MYBPH: variants seen among roughly 807,000 people sequenced by gnomAD.
The protein encoded by MYBPH is myosin binding protein H, also known as myosin-binding protein H.
In MYBPH, 49 loss-of-function variants were observed where a neutral mutation model predicts 53.6. The observed-to-expected ratio is 0.91, with a 90% CI of 0.73 to 1.16. MYBPH has a LOEUF of 1.16. MYBPH is among the 50% of genes most tolerant of loss of function. The pLI is 0.00. For synonymous variants in MYBPH, 239 were observed against 249.6 expected (o/e 0.96, Z 0.40); for missense variants, 558 against 624.1 (o/e 0.89, Z 1.13).
In MYBPH at chr1:203,171,528, G is replaced by T; in HGVS notation, c.648C>A (p.Asp216Glu). ...ATWTHNGHAL[D>E]SQRVSMRTGD... The stretch of plus-strand genomic sequence containing the variant: ...CGGTGCGCATGCTCACCCGCTGGCT[G>T]TCCAGGGCATGGCCGTTGTGGGTCC... Residue 216 changes from aspartate (D) to glutamate (E), a missense_variant, in exon 5 of 11, where the codon GAC (aspartate) becomes GAA (glutamate). Physicochemically the swap from Asp to Glu is conservative, Grantham distance 45. Transcript: ENST00000255416. This position sits in a 1 kb window ranked among gnomAD's most constrained non-coding sequence, Gnocchi z 4.2. 6.2e-7 allele frequency: 1 copy of T among 1,613,744 alleles called. No individual in the cohort carries two copies. The highest frequency in any genetic ancestry group is 1.1e-5 in the South Asian group (1 of 91,058).
upstream of MYBPH, among the ~76,000 whole-genome samples, chr1:203,178,709 T>C (rs1171556065): frequency 6.6e-6 from 1 of 152,230 alleles, no homozygotes; most frequent in Non-Finnish European, 1.5e-5. Flanking sequence ...CTTTAATATT[T>C]GGAAGGCCAT....
chr1:203,174,248 C>T, intron 3 of MYBPH, 182 bp downstream of exon 3: 2 of 930,840 alleles, frequency 2.1e-6, no homozygotes, highest in Non-Finnish European at 2.6e-6. Context: ...CTCCAGAGGC[C>T]CCTTACTGCT....
intron 9 of MYBPH, 104 bp from the exon 10 acceptor site, chr1:203,168,779 G>A (rs568173443): frequency 6.3e-7 from 1 of 1,592,074 alleles, no homozygotes; most frequent in East Asian, 2.2e-5. Context: ...CGCTTGGAAA[G>A]TAATCAGCAC....
rs374066904 is a variant in MYBPH, at chr1:203,174,408, T to G, written c.508+22A>C. The G allele has an allele frequency of 4.4e-5, 69 of 1,558,882 alleles. No homozygotes were observed. In the Middle Eastern group the frequency reaches 5.1e-4, roughly 12 times the overall value. ...AGGTGTTTGGGAAGGGCTGGGTAGC[T>G]GAAGGCCAGGATGGGCTTTACCAAT... is the stretch of plus-strand genomic sequence containing the variant. On this transcript the variant is annotated intron_variant, in intron 3 of 10. Transcript: ENST00000255416.
chr1:203,171,026 G>A lies in MYBPH; in HGVS notation c.933+35C>T, dbSNP rs374522629. 1.6e-5 allele frequency: 25 copies of A among 1,550,736 alleles called. No individual in the cohort carries two copies. Among genetic ancestry groups the A allele is most frequent in the African/African-American group, 9.6e-5 (7 of 72,924 alleles). On this transcript the variant is annotated intron_variant, in intron 6 of 10. Coordinates refer to ENST00000255416, the MANE Select transcript of MYBPH (RefSeq NM_004997.3). This position sits in a 1 kb window ranked among gnomAD's most constrained non-coding sequence, Gnocchi z 4.2. ...CCTTCCCCACCACCTTGACCACTTC[G>A]TACCCCGACCCCACTTTGCCTCAGC...
At chr1:203,170,172 C>A in intron 7 of MYBPH, 119 bp downstream of exon 7, 1 of 1,266,536 alleles carries the variant, frequency 7.9e-7, no homozygotes, top group Admixed American at 2.3e-5. Context: ...AGTGAGGAGA[C>A]GGCAAGTGTT....
At chr1:203,176,685 T>C (rs1019197094), upstream of MYBPH, among the ~76,000 whole-genome samples, 1 of 152,112 alleles carries the variant, frequency 6.6e-6, no homozygotes, top group Non-Finnish European at 1.5e-5. Flanking sequence ...GATTCATTTG[T>C]TCGATAAAAT....
chr1:203,169,437 G>A (rs2102187742), intron 7 of MYBPH, 48 bp from the exon 8 acceptor site: 1 of 1,549,772 alleles, frequency 6.5e-7, no homozygotes, highest in African/African-American at 1.4e-5. Context: ...ACAGGAGTGA[G>A]GGAGACCTGT....
chr1:203,176,565 C>T (rs1339049484), upstream of MYBPH, among the ~76,000 whole-genome samples: 2 of 152,112 alleles, frequency 1.3e-5, no homozygotes, highest in African/African-American at 4.8e-5. Context: ...CTGGAAGATG[C>T]CCTAGTGGAG....
intron 7 of MYBPH, 39 bp downstream of exon 7, chr1:203,170,252 G>A: frequency 6.2e-7 from 1 of 1,611,072 alleles, no homozygotes; most frequent in South Asian, 1.1e-5. Context: ...GCAGAGACAG[G>A]GAGAGAGTTA....
upstream of MYBPH, among the ~76,000 whole-genome samples, chr1:203,178,430 G>A (rs938588934): frequency 6.6e-6 from 1 of 152,180 alleles, no homozygotes; most frequent in Non-Finnish European, 1.5e-5. Flanking sequence ...AGGCTGGAGG[G>A]CCATCTCTCA....
chr1:203,174,290 G>T, intron 3 of MYBPH, 140 bp downstream of exon 3: 1 of 1,393,322 alleles, frequency 7.2e-7, no homozygotes, highest in Non-Finnish European at 9.4e-7. Flanking sequence ...AGGCAAGATG[G>T]TGATAGCGTG....
intron 7 of MYBPH, among the ~76,000 whole-genome samples, chr1:203,169,906 A>G (rs1373862800): frequency 2.0e-5 from 3 of 152,106 alleles, no homozygotes; most frequent in Admixed American, 6.5e-5. Flanking sequence ...TGTGGTATGT[A>G]TTAGGGTTGG....
upstream of MYBPH, among the ~76,000 whole-genome samples, chr1:203,177,137 C>T (rs1230187696): frequency 6.6e-6 from 1 of 152,214 alleles, no homozygotes; most frequent in Non-Finnish European, 1.5e-5. Flanking sequence ...ATGCAGTCAA[C>T]ACCAGGCTCC....
intron 3 of MYBPH, among the ~76,000 whole-genome samples, chr1:203,173,329 C>T (rs1655737576): frequency 6.6e-6 from 1 of 152,230 alleles, no homozygotes; most frequent in South Asian, 2.1e-4. Flanking sequence ...GGTGGGGCCA[C>T]ATCTCACCTA....
At chr1:203,178,836 C>T (rs1392413018), upstream of MYBPH, 2 of 152,166 alleles carry the variant, frequency 1.3e-5, no homozygotes, top group Non-Finnish European at 2.9e-5. Flanking sequence ...CTCAGGGGTC[C>T]CAAGGCTCAG....
At position 203,175,475 on chromosome 1, in the gene MYBPH, G is replaced by A; in HGVS notation, c.206-14C>T. 1.2e-6 allele frequency: 2 copies of A among 1,603,344 alleles called. No homozygotes were observed. The highest frequency in any genetic ancestry group is 1.7e-6 in the Non-Finnish European group (2 of 1,173,276). On this transcript the variant is annotated splice_polypyrimidine_tract_variant and intron_variant, in intron 1 of 10. Coordinates refer to ENST00000255416, the MANE Select transcript of MYBPH (RefSeq NM_004997.3). ...CACTGGGGACATCTGGGGAGATGAA[G>A]AGGTTCATGGCCAAGAGCTCCCCTC...
upstream of MYBPH, chr1:203,179,137 G>A (rs1187068579): frequency 1.3e-5 from 3 of 237,828 alleles, no homozygotes; most frequent in Admixed American, 5.0e-5. Context: ...AGGGCTGGGG[G>A]GCAGGGAGTT....
chr1:203,173,515 C>T (rs1655741345), intron 3 of MYBPH, among the ~76,000 whole-genome samples: 1 of 152,206 alleles, frequency 6.6e-6, no homozygotes, highest in South Asian at 2.1e-4. Flanking sequence ...TCTCCTTGGG[C>T]CTTGATAATC....
Sources: allele counts gnomAD v4.1 joint callset (sites outside exome capture counted in the v4.1 genomes callset), GRCh38; gene constraint gnomAD v4.1.1; non-coding constraint Gnocchi (gnomAD v3.1); transcripts MANE v1.5; gene names NCBI Gene and HGNC (gene_info 2026-07-23, HGNC 2026-07-21).